Variants in TBL1XR1 observed in about 807,000 individuals in gnomAD.
The protein encoded by TBL1XR1 is F-box-like/WD repeat-containing protein TBL1XR1.
In TBL1XR1, 5 loss-of-function variants were observed where a neutral mutation model predicts 66.9. The observed-to-expected ratio is 0.07, with a 90% CI of 0.04 to 0.16. The LOEUF (loss-of-function observed/expected upper bound fraction) is 0.16, where lower values mean the gene tolerates loss of function less well. Ranked by LOEUF, TBL1XR1 falls within the 10% of genes least tolerant of loss-of-function variation. The probability of loss-of-function intolerance (pLI) is 1.00; values close to 1 mark genes in which losing one functional copy is unlikely to be tolerated. For synonymous variants in TBL1XR1, 210 were observed against 206.0 expected (o/e 1.02, Z -0.17); for missense variants, 238 against 623.2 (o/e 0.38, Z 6.58).
At chr3:177,082,536 T>C (rs1721524080) in intron 2 of TBL1XR1, among the ~76,000 whole-genome samples, 1 of 151,474 alleles carries the variant, frequency 6.6e-6, no homozygotes, top group Non-Finnish European at 1.5e-5. Flanking sequence ...AGATTAACTT[T>C]CCTAACAGCA....
intron 10 of TBL1XR1, among the ~76,000 whole-genome samples, chr3:177,040,628 A>G (rs1391578258): frequency 6.6e-6 from 1 of 152,078 alleles, no homozygotes; most frequent in Non-Finnish European, 1.5e-5. Context: ...AATCAGAACT[A>G]TACTGAGATT....
At chr3:177,045,528 G>A (rs1716211331) in intron 10 of TBL1XR1, among the ~76,000 whole-genome samples, 1 of 152,074 alleles carries the variant, frequency 6.6e-6, no homozygotes, top group Non-Finnish European at 1.5e-5. Flanking sequence ...TCAGATAAAA[G>A]TACCACATTG....
At chr3:177,174,408 C>CAAAAAAAAAA (rs59132617) in intron 1 of TBL1XR1, among the ~76,000 whole-genome samples, 1 of 58,304 alleles carries the variant, frequency 1.7e-5, no homozygotes, top group African/African-American at 6.5e-5. Flanking sequence ...GACTCCATCT[C>CAAAAAAAAAA]AAAAAAAAAA....
chr3:177,156,183 AAAAG>A (rs1450004051), intron 1 of TBL1XR1, among the ~76,000 whole-genome samples: 3 of 148,996 alleles, frequency 2.0e-5, no homozygotes, highest in Non-Finnish European at 4.5e-5. Context: ...AAAAAAAAAA[AAAAG>A]GCACGAAAGG....
At chr3:177,051,426 C>T in intron 5 of TBL1XR1, 78 bp downstream of exon 5, 1 of 1,339,384 alleles carries the variant, frequency 7.5e-7, no homozygotes, top group South Asian at 1.5e-5. Context: ...CAAACCTGCA[C>T]ATGTACCCCG....
chr3:177,083,346 C>A (rs1721681887), intron 2 of TBL1XR1, among the ~76,000 whole-genome samples: 3 of 152,186 alleles, frequency 2.0e-5, no homozygotes, highest in Admixed American at 2.0e-4. Context: ...TTTGCTACAT[C>A]ATTTTGAAAC....
chr3:177,095,743 A>G lies in TBL1XR1; in HGVS notation c.-46+2723T>C, dbSNP rs564347143. 3.9e-5 allele frequency among the ~76,000 whole-genome samples: 6 copies of G among 152,278 alleles called. No individual in the cohort carries two copies. In the East Asian group the frequency reaches 9.7e-4, roughly 25 times the overall value. On this transcript the variant is annotated intron_variant, in intron 2 of 15. Transcript: ENST00000457928. ...GTGATCCGCCTGCCTCGGCCTCCCCAAAGTGCTGGGATTATAGGCATGAGG... is the reference window on the plus strand; with the variant it reads ...GTGATCCGCCTGCCTCGGCCTCCCCGAAGTGCTGGGATTATAGGCATGAGG...
At chr3:177,170,110 T>A (rs138513225) in intron 1 of TBL1XR1, among the ~76,000 whole-genome samples, 1 of 152,254 alleles carries the variant, frequency 6.6e-6, no homozygotes, top group East Asian at 1.9e-4. Flanking sequence ...ACCTCTATCA[T>A]GACAATAGCC....
chr3:177,094,952 C>T (rs1274069717), intron 2 of TBL1XR1, among the ~76,000 whole-genome samples: 1 of 151,684 alleles, frequency 6.6e-6, no homozygotes, highest in Non-Finnish European at 1.5e-5. Flanking sequence ...ACCACCTATT[C>T]CCCCAAAAAC....
chr3:177,121,269 C>T (rs746489128), intron 1 of TBL1XR1, among the ~76,000 whole-genome samples: 1 of 152,120 alleles, frequency 6.6e-6, no homozygotes, highest in Non-Finnish European at 1.5e-5. Flanking sequence ...AGATTAAAGT[C>T]TCAAGAAATG....
At chr3:177,051,432 C>T in intron 5 of TBL1XR1, 72 bp downstream of exon 5, 3 of 1,382,324 alleles carry the variant, frequency 2.2e-6, no homozygotes, top group Non-Finnish European at 1.9e-6. Flanking sequence ...TGCACATGTA[C>T]CCCGAATTAA....
intron 3 of TBL1XR1, among the ~76,000 whole-genome samples, chr3:177,057,292 A>ATC (rs1384669427): frequency 6.6e-6 from 1 of 152,134 alleles, no homozygotes; most frequent in Non-Finnish European, 1.5e-5. Flanking sequence ...TCCTACGCTG[A>ATC]TCCTAGAATT....
intron 4 of TBL1XR1, among the ~76,000 whole-genome samples, chr3:177,053,332 A>C (rs898421439): frequency 6.6e-6 from 1 of 152,182 alleles, no homozygotes. Flanking sequence ...CATTTGGCTA[A>C]TGGGCCACAG....
intron 7 of TBL1XR1, among the ~76,000 whole-genome samples, chr3:177,048,243 T>G (rs904383353): frequency 2.6e-5 from 4 of 152,206 alleles, no homozygotes; most frequent in Non-Finnish European, 5.9e-5. Flanking sequence ...TCCCTTGCTG[T>G]GCACCTTGCC....
At chr3:177,160,712 T>C (rs185700150) in intron 1 of TBL1XR1, among the ~76,000 whole-genome samples, 6 of 152,228 alleles carry the variant, frequency 3.9e-5, no homozygotes, top group Admixed American at 2.0e-4. Flanking sequence ...TAAAACATTC[T>C]AGCCCAGGCG....
chr3:177,026,878 C>A, intron 14 of TBL1XR1: 1 of 158,960 alleles, frequency 6.3e-6, no homozygotes, highest in Non-Finnish European at 1.4e-5. Flanking sequence ...GACAAAACAT[C>A]TTAAAGAGGA....
At chr3:177,195,291 T>C (rs1186424132) in intron 1 of TBL1XR1, among the ~76,000 whole-genome samples, 1 of 151,960 alleles carries the variant, frequency 6.6e-6, no homozygotes, top group East Asian at 1.9e-4. Context: ...GCATACTTTC[T>C]TCCTGCAGCC....
At chr3:177,077,194 T>C (rs1057096272) in intron 2 of TBL1XR1, among the ~76,000 whole-genome samples, 3 of 152,196 alleles carry the variant, frequency 2.0e-5, no homozygotes, top group Non-Finnish European at 4.4e-5. Flanking sequence ...CATACATCTC[T>C]AGGGAATATA....
intron 12 of TBL1XR1, among the ~76,000 whole-genome samples, chr3:177,036,681 A>C (rs965370429): frequency 3.3e-5 from 5 of 152,236 alleles, no homozygotes; most frequent in African/African-American, 1.2e-4. Context: ...TATTAATACT[A>C]GCAATTTTGT....
Sources: gnomAD v4.1 joint callset for allele counts (sites outside exome capture counted in the v4.1 genomes callset) on GRCh38, gnomAD v4.1.1 for gene constraint, MANE v1.5 for transcripts, NCBI Gene and HGNC (gene_info 2026-07-23, HGNC 2026-07-21) for gene names.